Variants in EYS observed in about 807,000 individuals in gnomAD.
EYS encodes protein eyes shut homolog.
A neutral mutation model predicts 282.1 loss-of-function variants in EYS; 250 were observed. The ratio of observed to expected loss-of-function variants is 0.89; its 90% CI spans 0.80 to 0.98. The LOEUF (loss-of-function observed/expected upper bound fraction) is 0.98. Ranked by LOEUF, EYS falls within the 50% of genes least tolerant of loss-of-function variation. The pLI is 0.00. For synonymous variants in EYS, 1,355 were observed against 1,282.9 expected (o/e 1.06, Z -1.20); for missense variants, 4,016 against 3,709.0 (o/e 1.08, Z -2.15).
intron 8 of EYS, among the ~76,000 whole-genome samples, chr6:65,364,794 T>C (rs1234502310): frequency 6.6e-6 from 1 of 151,650 alleles, no homozygotes; most frequent in East Asian, 1.9e-4. Context: ...ACTTGGCCAA[T>C]TAGAATATTA....
chr6:63,755,256 G>T (rs980889233), intron 41 of EYS, among the ~76,000 whole-genome samples: 1 of 152,062 alleles, frequency 6.6e-6, no homozygotes, highest in Admixed American at 6.6e-5. Flanking sequence ...TAGTTATGAA[G>T]TCTTTGCCCA....
intron 8 of EYS, among the ~76,000 whole-genome samples, chr6:65,369,833 C>T (rs1765068905): frequency 6.6e-6 from 1 of 151,592 alleles, no homozygotes; most frequent in Non-Finnish European, 1.5e-5. Flanking sequence ...GGCAAAATCA[C>T]ACTTGGTTCC....
chr6:63,977,850 GA>G (rs1182700178), intron 35 of EYS, among the ~76,000 whole-genome samples: 2 of 151,908 alleles, frequency 1.3e-5, no homozygotes, highest in South Asian at 4.1e-4. Flanking sequence ...GGAGAAACTA[GA>G]AAAAGAAGAG....
chr6:63,780,277 T>C (rs1386728419), intron 39 of EYS, among the ~76,000 whole-genome samples: 2 of 152,242 alleles, frequency 1.3e-5, no homozygotes, highest in Non-Finnish European at 2.9e-5. Flanking sequence ...ATGGGATCGC[T>C]GGGTCAAATG....
At chr6:65,266,484 A>G (rs1381021434) in intron 12 of EYS, among the ~76,000 whole-genome samples, 3 of 151,870 alleles carry the variant, frequency 2.0e-5, no homozygotes, top group South Asian at 2.1e-4. Flanking sequence ...GCATGCATGA[A>G]TGAATGAATG....
At chr6:65,400,723 A>T (rs1012288787) in intron 7 of EYS, among the ~76,000 whole-genome samples, 2 of 151,880 alleles carry the variant, frequency 1.3e-5, no homozygotes, top group East Asian at 3.9e-4. Context: ...TACCCATATA[A>T]ATTTAGATCT....
chr6:64,052,897 A>G (rs1195523978), intron 33 of EYS, among the ~76,000 whole-genome samples: 1 of 152,182 alleles, frequency 6.6e-6, no homozygotes, highest in Non-Finnish European at 1.5e-5. Flanking sequence ...GCCATGCCGA[A>G]CTGTGAGTCA....
intron 35 of EYS, among the ~76,000 whole-genome samples, chr6:63,890,046 T>A (rs1009738173): frequency 1.8e-4 from 28 of 152,054 alleles, no homozygotes; most frequent in African/African-American, 6.5e-4. Flanking sequence ...AAGGAAACAA[T>A]GAAACAAGAA....
At chr6:65,195,534 C>T (rs1319286831) in intron 12 of EYS, among the ~76,000 whole-genome samples, 1 of 152,000 alleles carries the variant, frequency 6.6e-6, no homozygotes, top group Non-Finnish European at 1.5e-5. Context: ...GATGTTATAG[C>T]CATGTCTGCT....
rs1189459475 is a variant in EYS, at chr6:65,398,432, T to C, written c.1184+4046A>G. 2.0e-5 allele frequency among the ~76,000 whole-genome samples: 3 copies of C among 151,920 alleles called. No individual in the cohort carries two copies. The East Asian group carries it at 5.8e-4, about 29-fold the overall frequency. On this transcript the variant is annotated intron_variant, in intron 7 of 42. Coordinates refer to ENST00000503581, the MANE Select transcript of EYS (RefSeq NM_001142800.2). ...AAATAAAGAATTATATGCAGAAGAATAAAACTAGACCCCTATCTTTTACCA... is the reference window on the plus strand; with the variant it reads ...AAATAAAGAATTATATGCAGAAGAACAAAACTAGACCCCTATCTTTTACCA...
At chr6:64,699,499 A>G (rs6935791) in intron 22 of EYS, among the ~76,000 whole-genome samples, 103,340 of 151,850 alleles carry the variant, frequency 0.68, 36,231 homozygotes, top group Middle Eastern at 0.78. Flanking sequence ...AATGAGAAAT[A>G]GAAAGGGGTC....
chr6:65,639,382 G>A (rs985119136), intron 2 of EYS, among the ~76,000 whole-genome samples: 8 of 151,898 alleles, frequency 5.3e-5, no homozygotes, highest in Admixed American at 2.0e-4. Context: ...ACCTGTATAT[G>A]TTTATCCATT....
chr6:64,625,257 T>C (rs1026323983), intron 23 of EYS, among the ~76,000 whole-genome samples: 1 of 152,154 alleles, frequency 6.6e-6, no homozygotes, highest in Non-Finnish European at 1.5e-5. Context: ...TATATCAATA[T>C]AGACCTAAAA....
chr6:64,878,873 G>A (rs1434228955), intron 19 of EYS, among the ~76,000 whole-genome samples: 1 of 151,874 alleles, frequency 6.6e-6, no homozygotes, highest in Non-Finnish European at 1.5e-5. Context: ...CCAGCCTCTT[G>A]GTCATTGCTC....
intron 35 of EYS, among the ~76,000 whole-genome samples, chr6:63,870,059 A>T (rs1331406748): frequency 6.6e-6 from 1 of 152,184 alleles, no homozygotes; most frequent in Non-Finnish European, 1.5e-5. Context: ...GCAGGATTCA[A>T]TATAACAGAA....
At chr6:65,142,092 A>T (rs1311494967) in intron 12 of EYS, among the ~76,000 whole-genome samples, 1 of 152,034 alleles carries the variant, frequency 6.6e-6, no homozygotes, top group African/African-American at 2.4e-5. Flanking sequence ...TTCATTGTAC[A>T]TATTTGCTAC....
chr6:64,848,693 C>T (rs765912931), intron 19 of EYS, among the ~76,000 whole-genome samples: 7 of 152,014 alleles, frequency 4.6e-5, no homozygotes, highest in African/African-American at 1.2e-4. Context: ...GTGTAAATAG[C>T]GTGGTCTGAG....
chr6:65,317,878 C>CTTTCTTTCT (rs1431205056), intron 11 of EYS, among the ~76,000 whole-genome samples: 1 of 71,912 alleles, frequency 1.4e-5, no homozygotes, highest in Non-Finnish European at 2.8e-5. Flanking sequence ...TTCTTTCTTT[C>CTTTCTTTCT]TTTCTTTCAG....
chr6:65,233,058 A>G (rs1562039383), intron 12 of EYS, among the ~76,000 whole-genome samples: 1 of 152,058 alleles, frequency 6.6e-6, no homozygotes, highest in East Asian at 1.9e-4. Flanking sequence ...TCTCCATTTG[A>G]TATGAAATTG....
Sources: gnomAD v4.1 joint callset for allele counts (sites outside exome capture counted in the v4.1 genomes callset) on GRCh38, gnomAD v4.1.1 for gene constraint, MANE v1.5 for transcripts, NCBI Gene and HGNC (gene_info 2026-07-23, HGNC 2026-07-21) for gene names.